SLC45A4: variants seen among roughly 807,000 people sequenced by gnomAD.
SLC45A4 encodes the protein polyamine-transporter SLC45A4.
SLC45A4 carries 32 observed loss-of-function variants against 63.7 expected under a neutral mutation model. The observed-to-expected ratio is 0.50, with a 90% CI of 0.38 to 0.67. SLC45A4 has a LOEUF of 0.67. Ranked by LOEUF, SLC45A4 falls within the 30% of genes least tolerant of loss-of-function variation. The pLI is 0.00. For synonymous variants in SLC45A4, 535 were observed against 510.0 expected (o/e 1.05, Z -0.66); for missense variants, 1,027 against 1,157.7 (o/e 0.89, Z 1.64).
Position 141,207,459 on chromosome 8 carries a change from G to GT in SLC45A4, c.*4112dup, listed in dbSNP as rs1293494274. The GT allele has an allele frequency of 4.6e-5, 7 of 152,334 alleles. 1 individual carries two copies. Among genetic ancestry groups the GT allele is most frequent in the South Asian group, 4.1e-4 (2 of 4,830 alleles). The allele number at this position is 152,334 out of a possible 1,614,324, so 9.4% of individuals were successfully genotyped here. On this transcript the variant is annotated 3_prime_UTR_variant, in exon 9 of 9. Transcript: ENST00000517878. Reference sequence around the variant, plus strand: ...CCTTACGACCTCTCTCTCCTAAAACGTAACATTATGTGTTTAACACACGCT... The same window carrying GT: ...CCTTACGACCTCTCTCTCCTAAAACGTTAACATTATGTGTTTAACACACGCT...
At chr8:141,281,972 C>T (rs973585390) in intron 1 of SLC45A4, among the ~76,000 whole-genome samples, 7 of 152,212 alleles carry the variant, frequency 4.6e-5, no homozygotes, top group Admixed American at 1.3e-4. Context: ...CCGAGCTGCA[C>T]GGCACCTTTC....
chr8:141,218,797 A>C lies in SLC45A4; in HGVS notation c.843T>G (p.Pro281=). 1 of 1,613,144 alleles carries C rather than the reference A, an allele frequency of 6.2e-7. No homozygotes were observed. ...CCGACTGTACCTCGTCTGGGAAGGC[A>C]GGGACGCCGTGCGGCTCGCCCCCAT... The part of the protein sequence containing the change: ...ALDGGEPHGV[P]AFPDEVQSEH... The change falls in exon 5 of 9, where the codon CCT becomes CCG. Residue 281 remains proline, a synonymous_variant. Transcript: ENST00000517878.
At chr8:141,212,130 G>GCC in intron 8 of SLC45A4, 67 bp downstream of exon 8, 2 of 1,210,968 alleles carry the variant, frequency 1.7e-6, no homozygotes, top group Non-Finnish European at 2.1e-6. Context: ...CCATGGCCTG[G>GCC]CCCCGCCGCC....
chr8:141,219,230 C>T (rs539474991), intron 4 of SLC45A4, among the ~76,000 whole-genome samples: 1 of 152,360 alleles, frequency 6.6e-6, no homozygotes, highest in South Asian at 2.1e-4. Flanking sequence ...CCCGACAGAA[C>T]TGCCCCTTGA....
rs557131542 is a variant in SLC45A4, at chr8:141,215,562, G to A, written c.1941+197C>T. Among the ~76,000 whole-genome samples, 204 of 152,242 alleles carry A rather than the reference G, an allele frequency of 1.3e-3. 1 individual carries two copies. The highest frequency in any genetic ancestry group is 1.3e-3 in the Non-Finnish European group (88 of 68,004). ...GGGGGTGGGGGCGGCTGAAGGAGAA[G>A]ACCCTTTGTGGCCAGGGACCGATCA... On this transcript the variant is annotated intron_variant, in intron 7 of 8. Transcript: ENST00000517878. The surrounding 1 kb of genome is among the most constrained non-coding windows in gnomAD (Gnocchi z 4.3).
At position 141,245,257 on chromosome 8, in the gene SLC45A4, C is replaced by T. The variant is rs575356915; in HGVS notation, c.241+8732G>A. Among the ~76,000 whole-genome samples, 10 of 152,256 alleles carry T rather than the reference C, an allele frequency of 6.6e-5. No individual in the cohort carries two copies. The South Asian group carries it at 1.4e-3, about 22-fold the overall frequency. On this transcript the variant is annotated intron_variant, in intron 2 of 8. Transcript: ENST00000517878. ...TAAGGCTACACACTTGGAACATGGT[C>T]GATTTTTGGATTCTCCAAGAGGAGC...
rs564274733 is a variant in SLC45A4, at chr8:141,213,344, A to G, written c.1942-788T>C. 4.6e-5 allele frequency among the ~76,000 whole-genome samples: 7 copies of G among 152,324 alleles called. No homozygotes were observed. The East Asian group carries it at 9.6e-4, about 21-fold the overall frequency. ...CGCGTGATGTGCTGGGCCACAAAGG[A>G]AGCCTCAGCTAACTGTAAGGCTGCA... On this transcript the variant is annotated intron_variant, in intron 7 of 8. Coordinates refer to ENST00000517878, the MANE Select transcript of SLC45A4 (RefSeq NM_001286646.2).
chr8:141,269,580 C>G (rs1323815278), intron 1 of SLC45A4, among the ~76,000 whole-genome samples: 1 of 146,078 alleles, frequency 6.8e-6, no homozygotes, highest in Non-Finnish European at 1.5e-5. Context: ...GCCTATGTGT[C>G]TGTGTGTGTG....
chr8:141,217,602 T>C (rs970151733), intron 5 of SLC45A4, among the ~76,000 whole-genome samples: 2 of 152,210 alleles, frequency 1.3e-5, no homozygotes, highest in African/African-American at 4.8e-5. Context: ...ACCTTGGTTC[T>C]CCTGGCAAAC....
intron 1 of SLC45A4, among the ~76,000 whole-genome samples, chr8:141,284,614 A>G (rs1228977353): frequency 6.6e-6 from 1 of 152,234 alleles, no homozygotes; most frequent in Non-Finnish European, 1.5e-5. Context: ...TACGGTGAAC[A>G]GTGACCCAAA....
intron 2 of SLC45A4, among the ~76,000 whole-genome samples, chr8:141,232,433 A>T (rs145018864): frequency 6.6e-6 from 1 of 152,330 alleles, no homozygotes; most frequent in Non-Finnish European, 1.5e-5. Flanking sequence ...GGCCAGAAAC[A>T]CCCCAAATGC....
intron 2 of SLC45A4, among the ~76,000 whole-genome samples, chr8:141,246,331 C>T (rs1043807291): frequency 9.2e-5 from 14 of 152,316 alleles, no homozygotes; most frequent in South Asian, 2.1e-4. Context: ...ATACCTCCTG[C>T]GGCCGGGAAT....
Position 141,254,115 on chromosome 8 carries a change from T to G in SLC45A4, c.115A>C (p.Ile39Leu). The change falls in exon 2 of 9, where the codon ATC becomes CTC. Residue 39 changes from isoleucine to leucine, a missense_variant. Transcript: ENST00000517878. This position sits in a 1 kb window ranked among gnomAD's most constrained non-coding sequence, Gnocchi z 4.5. ...GGAEAENCET[I>L]SEGSIDRIPM... Reference sequence around the variant, plus strand: ...ATTCGGTCTATGGACCCCTCGCTGATGGTCTCGCAGTTCTCGGCCTCTGCG... The same window carrying G: ...ATTCGGTCTATGGACCCCTCGCTGAGGGTCTCGCAGTTCTCGGCCTCTGCG... 6.5e-7 allele frequency: 1 copy of G among 1,536,182 alleles called. No individual in the cohort carries two copies. The highest frequency in any genetic ancestry group is 1.2e-5 in the South Asian group (1 of 84,064).
chr8:141,220,928 GCATCGCCTGTTGGCGA>G (rs1445281334), intron 3 of SLC45A4, among the ~76,000 whole-genome samples: 2 of 152,232 alleles, frequency 1.3e-5, no homozygotes, highest in Non-Finnish European at 2.9e-5. Context: ...GCAGTCAGAG[GCATCGCCTGTTGGCGA>G]CGAAGCCCAC....
At chr8:141,296,500 T>TAAAAAA (rs35777679) in intron 1 of SLC45A4, among the ~76,000 whole-genome samples, 4 of 107,966 alleles carry the variant, frequency 3.7e-5, no homozygotes, top group Non-Finnish European at 5.3e-5. Flanking sequence ...CCTCATTTCT[T>TAAAAAA]AAAAAAAAAA....
intron 3 of SLC45A4, among the ~76,000 whole-genome samples, chr8:141,220,265 G>T (rs1480625134): frequency 6.6e-6 from 1 of 152,196 alleles, no homozygotes; most frequent in Non-Finnish European, 1.5e-5. Context: ...CACTGATGAG[G>T]CTTCGCGAGG....
intron 2 of SLC45A4, among the ~76,000 whole-genome samples, chr8:141,251,909 G>A (rs1330974145): frequency 6.7e-6 from 1 of 150,146 alleles, no homozygotes; most frequent in Non-Finnish European, 1.5e-5. Context: ...CAGCGGGGCT[G>A]CCCCACACAC....
intron 2 of SLC45A4, among the ~76,000 whole-genome samples, chr8:141,244,287 T>C (rs1325694469): frequency 1.3e-5 from 2 of 152,206 alleles, no homozygotes; most frequent in Non-Finnish European, 2.9e-5. Context: ...GTCCAGCCCA[T>C]GCCTGGGCCG....
chr8:141,243,839 T>C lies in SLC45A4; in HGVS notation c.241+10150A>G, dbSNP rs139985184. Among the ~76,000 whole-genome samples the C allele has an allele frequency of 5.1e-4, 78 of 152,294 alleles. 2 individuals are homozygous for C. The East Asian group carries it at 0.014, about 28-fold the overall frequency. The stretch of plus-strand genomic sequence containing the variant: ...TCCACATAATGAATAGGAAATACAT[T>C]TCTCTTCTTAATAATTTTCTTAGCT... On this transcript the variant is annotated intron_variant, in intron 2 of 8. Transcript: ENST00000517878.
Sources: gnomAD v4.1 joint callset for allele counts (sites outside exome capture counted in the v4.1 genomes callset) on GRCh38, gnomAD v4.1.1 for gene constraint, Gnocchi (gnomAD v3.1) non-coding constraint, MANE v1.5 for transcripts, NCBI Gene and HGNC (gene_info 2026-07-23, HGNC 2026-07-21) for gene names.